Variants in GLIS1 observed in about 807,000 individuals in gnomAD.
The protein encoded by GLIS1 is zinc finger protein GLIS1.
In GLIS1, 24 loss-of-function variants were observed where a neutral mutation model predicts 63.8. That is an observed-to-expected ratio of 0.38 (90% CI 0.27 to 0.53). The LOEUF is 0.53. Among genes scored for constraint, GLIS1 ranks in the 20% least tolerant of loss-of-function variants. The pLI, the probability that GLIS1 is intolerant of heterozygous loss-of-function variation, is 0.85. For missense variants in GLIS1, 1,036 were observed against 1,074.1 expected (o/e 0.96, Z 0.50); for synonymous variants, 450 against 482.5 (o/e 0.93, Z 0.88).
Position 53,637,658 on chromosome 1 carries a change from AC to A in GLIS1, c.260-37381del, listed in dbSNP as rs1453832522. 3.9e-5 allele frequency among the ~76,000 whole-genome samples: 6 copies of A among 152,100 alleles called. No individual in the cohort carries two copies. The East Asian group carries it at 9.7e-4, about 25-fold the overall frequency. ...AACCTTGGGCAAGACTCAAAATAAT[AC>A]CCGCAGGGCCTAGGCTGCCCTAGGA... On this transcript the variant is annotated intron_variant, in intron 2 of 10. Coordinates refer to ENST00000628545, the MANE Select transcript of GLIS1 (RefSeq NM_001367484.1).
chr1:53,632,940 T>C (rs80151577), intron 2 of GLIS1, among the ~76,000 whole-genome samples: 2,060 of 143,224 alleles, frequency 0.014, 26 homozygotes, highest in Non-Finnish European at 0.02. Context: ...CTGAGGGGCA[T>C]GTGAATGTGA....
intron 4 of GLIS1, among the ~76,000 whole-genome samples, chr1:53,579,136 C>G (rs887951241): frequency 2.6e-5 from 4 of 151,766 alleles, no homozygotes; most frequent in Non-Finnish European, 5.9e-5. Flanking sequence ...CCAATGCTGT[C>G]ATAAAATATA....
chr1:53,516,901 T>G (rs1401895919), intron 7 of GLIS1, among the ~76,000 whole-genome samples: 2 of 152,036 alleles, frequency 1.3e-5, no homozygotes, highest in Admixed American at 1.3e-4. Flanking sequence ...ACTCCTGGCC[T>G]GGAGTTAAAG....
At chr1:53,642,290 G>A (rs974083714) in intron 2 of GLIS1, among the ~76,000 whole-genome samples, 1 of 152,246 alleles carries the variant, frequency 6.6e-6, no homozygotes, top group Non-Finnish European at 1.5e-5. Context: ...GATCAGGGGA[G>A]CTGTCTTGCT....
chr1:53,655,073 C>T (rs1039359578), intron 2 of GLIS1, among the ~76,000 whole-genome samples: 25 of 152,252 alleles, frequency 1.6e-4, no homozygotes, highest in East Asian at 7.7e-4. Flanking sequence ...GCCAGTGTGA[C>T]GCTCACACAC....
intron 2 of GLIS1, among the ~76,000 whole-genome samples, chr1:53,629,703 C>T (rs1645631993): frequency 6.6e-6 from 1 of 152,210 alleles, no homozygotes; most frequent in Admixed American, 6.5e-5. Flanking sequence ...TGCAAGAGGC[C>T]TGACCTTCCT....
chr1:53,514,592 G>C, intron 8 of GLIS1, 33 bp downstream of exon 8: 1 of 1,599,516 alleles, frequency 6.3e-7, no homozygotes. Flanking sequence ...CCCCCTTGTT[G>C]CCCCTGGAGG....
chr1:53,651,644 G>T (rs1357195668), intron 2 of GLIS1, among the ~76,000 whole-genome samples: 4 of 152,174 alleles, frequency 2.6e-5, no homozygotes, highest in Admixed American at 1.3e-4. Flanking sequence ...GGGAGGTGAA[G>T]GCAGGAGGAC....
chr1:53,523,681 G>A (rs911048967), intron 6 of GLIS1, among the ~76,000 whole-genome samples: 2 of 152,260 alleles, frequency 1.3e-5, no homozygotes, highest in East Asian at 1.9e-4. Flanking sequence ...AACCCAGCCA[G>A]GTGGGCTCTG....
At chr1:53,736,866 C>A (rs1295100165) in intron 2 of GLIS1, among the ~76,000 whole-genome samples, 3 of 152,094 alleles carry the variant, frequency 2.0e-5, no homozygotes, top group Non-Finnish European at 4.4e-5. Context: ...GAAGTGATGC[C>A]TATAACCGTA....
intron 2 of GLIS1, among the ~76,000 whole-genome samples, chr1:53,707,117 TCCCTTCCAGTC>T (rs1395844094): frequency 6.6e-6 from 1 of 152,084 alleles, no homozygotes; most frequent in Non-Finnish European, 1.5e-5. Context: ...CCCTCCCTCA[TCCCTTCCAGTC>T]CCCTTCCTTC....
At chr1:53,542,744 CT>C (rs1168608040) in intron 4 of GLIS1, among the ~76,000 whole-genome samples, 1 of 152,202 alleles carries the variant, frequency 6.6e-6, no homozygotes. Flanking sequence ...GGGCTACGCC[CT>C]GGGGGTGCTG....
intron 2 of GLIS1, among the ~76,000 whole-genome samples, chr1:53,632,521 G>T (rs1645667734): frequency 7.1e-6 from 1 of 141,110 alleles, no homozygotes; most frequent in South Asian, 2.4e-4. Flanking sequence ...TGTAATGTGT[G>T]TGACGGGCAT....
intron 7 of GLIS1, among the ~76,000 whole-genome samples, chr1:53,520,273 G>A (rs1370980236): frequency 6.6e-6 from 1 of 152,174 alleles, no homozygotes; most frequent in Non-Finnish European, 1.5e-5. Flanking sequence ...GGGGGAGCAG[G>A]AGCAGAGAGT....
At chr1:53,705,426 CA>C (rs1277811081) in intron 2 of GLIS1, among the ~76,000 whole-genome samples, 1 of 152,172 alleles carries the variant, frequency 6.6e-6, no homozygotes, top group Non-Finnish European at 1.5e-5. Context: ...TAGAGAAAGT[CA>C]ATGTTGCCAA....
intron 4 of GLIS1, among the ~76,000 whole-genome samples, chr1:53,547,844 G>A (rs533388644): frequency 3.3e-5 from 5 of 152,180 alleles, no homozygotes; most frequent in African/African-American, 1.2e-4. Flanking sequence ...TCATAAAGTC[G>A]ATTTCCATTT....
chr1:53,604,133 T>C (rs1252353825), intron 2 of GLIS1, among the ~76,000 whole-genome samples: 1 of 152,256 alleles, frequency 6.6e-6, no homozygotes, highest in African/African-American at 2.4e-5. Context: ...CAGTTAGTGC[T>C]TAAAAAGTAA....
intron 2 of GLIS1, among the ~76,000 whole-genome samples, chr1:53,635,232 G>A (rs1040784075): frequency 1.3e-5 from 2 of 152,106 alleles, no homozygotes; most frequent in African/African-American, 4.8e-5. Context: ...GAAACCGACC[G>A]TGGACTGGGC....
intron 2 of GLIS1, among the ~76,000 whole-genome samples, chr1:53,625,650 CT>C (rs1448697476): frequency 6.6e-6 from 1 of 152,212 alleles, no homozygotes; most frequent in Non-Finnish European, 1.5e-5. Flanking sequence ...ATGGAGTGAG[CT>C]CCTATTGTGT....
Sources: allele counts gnomAD v4.1 joint callset (sites outside exome capture counted in the v4.1 genomes callset), GRCh38; gene constraint gnomAD v4.1.1; transcripts MANE v1.5; gene names NCBI Gene and HGNC (gene_info 2026-07-23, HGNC 2026-07-21).